The following TECPR2 variants were observed in gnomAD, a reference collection of about 807,000 sequenced individuals.
TECPR2 encodes the protein tectonin beta-propeller repeat-containing protein 2.
A neutral mutation model predicts 138.1 loss-of-function variants in TECPR2; 65 were observed. That is an observed-to-expected ratio of 0.47 (90% CI 0.39 to 0.58). The LOEUF is 0.58. Ranked by LOEUF, TECPR2 falls within the 20% of genes least tolerant of loss-of-function variation. The probability of loss-of-function intolerance (pLI) is 0.00; values close to 1 mark genes in which losing one functional copy is unlikely to be tolerated. For synonymous variants in TECPR2, 746 were observed against 749.8 expected (o/e 0.99, Z 0.08); for missense variants, 1,553 against 1,824.5 (o/e 0.85, Z 2.71).
At chr14:102,390,034 C>T (rs1888123194) in intron 2 of TECPR2, among the ~76,000 whole-genome samples, 1 of 152,138 alleles carries the variant, frequency 6.6e-6, no homozygotes, top group Non-Finnish European at 1.5e-5. Flanking sequence ...TTAAATATTT[C>T]AAAATATTTC....
chr14:102,409,932 G>C (rs1021850850), intron 4 of TECPR2, among the ~76,000 whole-genome samples: 5 of 152,084 alleles, frequency 3.3e-5, no homozygotes, highest in Non-Finnish European at 5.9e-5. Flanking sequence ...AGCCTCCCGA[G>C]TAGCTGGGAC....
chr14:102,414,653 G>T lies in TECPR2; in HGVS notation c.498G>T (p.Gln166His). The T allele has an allele frequency of 6.2e-7, 1 of 1,614,232 alleles. No homozygotes were observed. Among genetic ancestry groups the T allele is most frequent in the Non-Finnish European group, 8.5e-7 (1 of 1,180,044 alleles). Residue 166 changes from glutamine to histidine, a missense_variant, in exon 5 of 20, where the codon CAG becomes CAT. Transcript: ENST00000359520. The stretch of plus-strand genomic sequence containing the variant: ...TCTGCCAGGGGCTCTGTAACTCCCA[G>T]CTGGTGTTGGAGGAGCCATCTTCCA... ...LDLDQGLCNS[Q>H]LVLEEPSSIV... is the part of the protein sequence containing the mutation.
chr14:102,381,573 G>A (rs905441838), intron 2 of TECPR2, among the ~76,000 whole-genome samples: 2 of 152,120 alleles, frequency 1.3e-5, no homozygotes, highest in Non-Finnish European at 2.9e-5. Context: ...GACTCCATCT[G>A]AAAAATAAAA....
At position 102,452,577 on chromosome 14, in the gene TECPR2, A is replaced by G. The variant is rs1230456153; in HGVS notation, c.3590A>G (p.Lys1197Arg). 24 of 1,608,888 alleles carry G rather than the reference A, an allele frequency of 1.5e-5. No homozygotes were observed. The highest frequency in any genetic ancestry group is 2.0e-5 in the Non-Finnish European group (23 of 1,178,348). ...LGQVFIRTLS[K>R]SCPTGMHWTR... ...CAGGTGTTCATCAGGACGCTCTCCA[A>G]GAGCTGCCCCACGGGCATGCACTGG... Residue 1197 changes from lysine (K) to arginine (R), a missense_variant, in exon 16 of 20, where the codon AAG (lysine) becomes AGG (arginine). Transcript: ENST00000359520.
At chr14:102,479,401 T>A (rs562243147) in intron 17 of TECPR2, among the ~76,000 whole-genome samples, 1 of 152,036 alleles carries the variant, frequency 6.6e-6, no homozygotes, top group East Asian at 1.9e-4. Context: ...GCACAAAGGA[T>A]GTTGTGGGAA....
intron 6 of TECPR2, among the ~76,000 whole-genome samples, chr14:102,427,904 A>T (rs2139720521): frequency 6.6e-6 from 1 of 152,296 alleles, no homozygotes; most frequent in African/African-American, 2.4e-5. Context: ...ATGGATAGGA[A>T]AGGAATTTGA....
intron 16 of TECPR2, among the ~76,000 whole-genome samples, chr14:102,461,249 A>G (rs1890403285): frequency 6.6e-6 from 1 of 152,190 alleles, no homozygotes; most frequent in Non-Finnish European, 1.5e-5. Flanking sequence ...ATAAATATGC[A>G]TTATGTCAGG....
chr14:102,466,541 C>T (rs1314133992), intron 17 of TECPR2, among the ~76,000 whole-genome samples: 2 of 152,180 alleles, frequency 1.3e-5, no homozygotes, highest in East Asian at 3.8e-4. Context: ...AGCCGCCTGT[C>T]GTTAGTTTCA....
chr14:102,450,670 C>T, intron 15 of TECPR2, 21 bp downstream of exon 15: 1 of 1,611,688 alleles, frequency 6.2e-7, no homozygotes, highest in Non-Finnish European at 8.5e-7. Context: ...CTTAGCCTCA[C>T]TGAAGAATCT....
At chr14:102,466,286 C>T (rs1011786132) in intron 17 of TECPR2, among the ~76,000 whole-genome samples, 4 of 152,270 alleles carry the variant, frequency 2.6e-5, no homozygotes, top group Admixed American at 2.6e-4. Flanking sequence ...GGCTTCTCGT[C>T]CTCCTTGGTG....
At chr14:102,431,619 G>A (rs931079057) in intron 7 of TECPR2, among the ~76,000 whole-genome samples, 177 bp from the exon 8 acceptor site, 5 of 152,318 alleles carry the variant, frequency 3.3e-5, no homozygotes, top group Admixed American at 2.6e-4. Context: ...TGGGATTACA[G>A]GCGTGAGTCA....
chr14:102,470,641 T>TC (rs1179088874), intron 17 of TECPR2, among the ~76,000 whole-genome samples: 3 of 144,896 alleles, frequency 2.1e-5, no homozygotes, highest in East Asian at 4.0e-4. Context: ...TTCTTCTTCT[T>TC]TTTTTTTTTT....
At chr14:102,446,058 CT>C in intron 13 of TECPR2, 111 bp downstream of exon 13, 2 of 1,257,712 alleles carry the variant, frequency 1.6e-6, no homozygotes, top group Non-Finnish European at 2.1e-6. Flanking sequence ...AAAATACTCA[CT>C]TTTTTATTAT....
In TECPR2 at chr14:102,393,018, C is replaced by T. The variant is rs980161783; in HGVS notation, c.220-14320C>T. On this transcript the variant is annotated intron_variant, in intron 2 of 19. Coordinates refer to ENST00000359520, the MANE Select transcript of TECPR2 (RefSeq NM_014844.5). ...AATTTTTCCCTAGCTTACTCCTTCA[C>T]TTAGGGTTAGGTCCTTGGGATTCTG... Among the ~76,000 whole-genome samples the T allele has an allele frequency of 4.3e-4, 66 of 152,202 alleles. 2 individuals carry two copies. The highest frequency in any genetic ancestry group is 6.2e-4 in the South Asian group (3 of 4,834).
At chr14:102,392,394 A>G (rs1342086143) in intron 2 of TECPR2, among the ~76,000 whole-genome samples, 1 of 152,158 alleles carries the variant, frequency 6.6e-6, no homozygotes, top group African/African-American at 2.4e-5. Flanking sequence ...GTTGCATGGT[A>G]GGTAATTTCC....
intron 4 of TECPR2, among the ~76,000 whole-genome samples, chr14:102,409,030 G>T (rs981380730): frequency 6.6e-6 from 1 of 152,226 alleles, no homozygotes; most frequent in Non-Finnish European, 1.5e-5. Flanking sequence ...GGCAGAGGAG[G>T]TTAGGTGGCA....
chr14:102,466,922 G>A (rs1890559288), intron 17 of TECPR2, among the ~76,000 whole-genome samples: 1 of 152,164 alleles, frequency 6.6e-6, no homozygotes, highest in African/African-American at 2.4e-5. Context: ...CATATAATAT[G>A]TGGCCTTTTT....
At chr14:102,400,120 A>G (rs1312305242) in intron 2 of TECPR2, among the ~76,000 whole-genome samples, 1 of 149,488 alleles carries the variant, frequency 6.7e-6, no homozygotes, top group East Asian at 2.0e-4. Context: ...ATATGGGCTC[A>G]CTGCAACATC....
rs535951302 is a variant in TECPR2, at chr14:102,445,610, C to T, written c.2934-196C>T. On this transcript the variant is annotated intron_variant, in intron 12 of 19. Coordinates refer to ENST00000359520, the MANE Select transcript of TECPR2 (RefSeq NM_014844.5). Reference sequence around the variant, plus strand: ...TCAGTGTGTCTTTCAAAAGCTGCCACCCACTTGAACCATATCTCTTGCACA... The same window carrying T: ...TCAGTGTGTCTTTCAAAAGCTGCCATCCACTTGAACCATATCTCTTGCACA... 2.0e-5 allele frequency among the ~76,000 whole-genome samples: 3 copies of T among 152,248 alleles called. No individual in the cohort carries two copies. In the South Asian group the frequency reaches 6.2e-4, roughly 32 times the overall value.
Sources: gnomAD v4.1 joint callset for allele counts (sites outside exome capture counted in the v4.1 genomes callset) on GRCh38, gnomAD v4.1.1 for gene constraint, MANE v1.5 for transcripts, NCBI Gene and HGNC (gene_info 2026-07-23, HGNC 2026-07-21) for gene names.